The following SBF2 variants were observed in gnomAD, a reference collection of about 807,000 sequenced individuals.
The protein encoded by SBF2 is SET binding factor 2, also known as myotubularin-related protein 13.
A neutral mutation model predicts 225.2 loss-of-function variants in SBF2; 112 were observed. That is an observed-to-expected ratio of 0.50 (90% CI 0.43 to 0.58). The LOEUF (loss-of-function observed/expected upper bound fraction) is 0.58. Among genes scored for constraint, SBF2 ranks in the 20% least tolerant of loss-of-function variants. The pLI is 0.00. For synonymous variants in SBF2, 763 were observed against 773.3 expected (o/e 0.99, Z 0.22); for missense variants, 1,996 against 2,206.2 (o/e 0.90, Z 1.91).
intron 24 of SBF2, among the ~76,000 whole-genome samples, chr11:9,844,550 AG>A (rs1424425071): frequency 6.6e-6 from 1 of 152,242 alleles, no homozygotes; most frequent in African/African-American, 2.4e-5. Context: ...CTAGAAAATA[AG>A]GGTTCATACT....
chr11:10,230,811 T>C (rs1248964558), intron 1 of SBF2, among the ~76,000 whole-genome samples: 1 of 152,110 alleles, frequency 6.6e-6, no homozygotes, highest in African/African-American at 2.4e-5. Context: ...TCTCAAGGAG[T>C]ATCTTTGTGG....
chr11:10,192,899 AC>A (rs1957229679), intron 2 of SBF2, among the ~76,000 whole-genome samples: 1 of 152,208 alleles, frequency 6.6e-6, no homozygotes, highest in African/African-American at 2.4e-5. Flanking sequence ...AATCTGGAGA[AC>A]CAAACTTCGT....
chr11:9,915,334 A>C (rs754603855), intron 16 of SBF2, among the ~76,000 whole-genome samples: 3 of 151,524 alleles, frequency 2.0e-5, no homozygotes, highest in Non-Finnish European at 4.4e-5. Context: ...GTAGTCCCAG[A>C]TACTTGGGAG....
intron 2 of SBF2, among the ~76,000 whole-genome samples, chr11:10,064,657 A>G (rs1249042248): frequency 6.6e-6 from 1 of 152,218 alleles, no homozygotes; most frequent in Non-Finnish European, 1.5e-5. Context: ...ATCAACGTAG[A>G]TTTCAGAAAT....
intron 16 of SBF2, chr11:9,958,707 G>A (rs1424871095): frequency 1.3e-5 from 5 of 374,324 alleles, no homozygotes; most frequent in African/African-American, 8.4e-5. Flanking sequence ...TGAAGTACTA[G>A]GAGGGGCTTG....
At chr11:10,111,889 A>G (rs1000140336) in intron 2 of SBF2, among the ~76,000 whole-genome samples, 4 of 152,348 alleles carry the variant, frequency 2.6e-5, no homozygotes, top group Admixed American at 2.6e-4. Context: ...AAAAACCAAA[A>G]AAAATTAACT....
At chr11:10,230,632 G>A (rs1364922198) in intron 1 of SBF2, among the ~76,000 whole-genome samples, 7 of 152,304 alleles carry the variant, frequency 4.6e-5, no homozygotes, top group Non-Finnish European at 8.8e-5. Flanking sequence ...AATGTTGAAT[G>A]TTGGCCCTCA....
intron 2 of SBF2, among the ~76,000 whole-genome samples, chr11:10,108,987 G>A (rs1420647453): frequency 6.6e-6 from 1 of 152,140 alleles, no homozygotes; most frequent in African/African-American, 2.4e-5. Context: ...GGAAAAGTTA[G>A]AAGAAAGAAT....
intron 2 of SBF2, among the ~76,000 whole-genome samples, chr11:10,089,318 C>T (rs1951691164): frequency 6.6e-6 from 1 of 152,124 alleles, no homozygotes; most frequent in Admixed American, 6.6e-5. Context: ...ATATGCAGCC[C>T]GTCATTGACT....
intron 3 of SBF2, among the ~76,000 whole-genome samples, chr11:10,041,871 C>T (rs1949669242): frequency 6.7e-6 from 1 of 150,366 alleles, no homozygotes; most frequent in Non-Finnish European, 1.5e-5. Context: ...TCGAAGTCCC[C>T]TTTATGGTTT....
intron 2 of SBF2, among the ~76,000 whole-genome samples, chr11:10,064,078 T>C (rs762866333): frequency 3.9e-5 from 6 of 152,178 alleles, no homozygotes; most frequent in Non-Finnish European, 8.8e-5. Flanking sequence ...TAAGATTTTT[T>C]TTATTATTTA....
At chr11:10,285,959 G>C (rs1963738008) in intron 1 of SBF2, among the ~76,000 whole-genome samples, 4 of 152,144 alleles carry the variant, frequency 2.6e-5, no homozygotes, top group Admixed American at 2.6e-4. Context: ...TTAGTCACCA[G>C]GAAAACGCAA....
chr11:10,090,910 G>A (rs547034882), intron 2 of SBF2, among the ~76,000 whole-genome samples: 1 of 152,140 alleles, frequency 6.6e-6, no homozygotes, highest in South Asian at 2.1e-4. Context: ...TCCAGCTCCA[G>A]GGGCTATGAA....
chr11:9,925,561 C>T (rs1590474512), intron 16 of SBF2, among the ~76,000 whole-genome samples: 2 of 152,356 alleles, frequency 1.3e-5, no homozygotes, highest in African/African-American at 4.8e-5. Context: ...TAGGCGTGAG[C>T]CACCGTGCCC....
At chr11:10,141,938 A>G (rs1462266859) in intron 2 of SBF2, among the ~76,000 whole-genome samples, 1 of 152,166 alleles carries the variant, frequency 6.6e-6, no homozygotes, top group African/African-American at 2.4e-5. Flanking sequence ...GTAAGAACAG[A>G]AGTAAAAGCT....
intron 30 of SBF2, 44 bp from the exon 31 acceptor site, chr11:9,809,046 G>T: frequency 6.8e-7 from 1 of 1,473,260 alleles, no homozygotes; most frequent in Non-Finnish European, 9.5e-7. Context: ...AGCGCTTTCT[G>T]AGTGCAGAAG....
At chr11:9,888,394 C>A (rs145691921) in intron 17 of SBF2, among the ~76,000 whole-genome samples, 1,920 of 151,750 alleles carry the variant, frequency 0.013, 41 homozygotes, top group African/African-American at 0.044. Flanking sequence ...AGTCCTGCTA[C>A]TGAGGAGGCT....
At chr11:10,216,409 G>A (rs769117367) in intron 1 of SBF2, among the ~76,000 whole-genome samples, 1 of 152,198 alleles carries the variant, frequency 6.6e-6, no homozygotes. Context: ...GATAGCGATA[G>A]CTTCTCAGCT....
At chr11:9,796,183 C>A (rs1011340620) in intron 32 of SBF2, among the ~76,000 whole-genome samples, 3 of 151,720 alleles carry the variant, frequency 2.0e-5, no homozygotes, top group Non-Finnish European at 4.4e-5. Flanking sequence ...TAAACATAAT[C>A]TCATTTAATC....
Sources: allele counts gnomAD v4.1 joint callset (sites outside exome capture counted in the v4.1 genomes callset), GRCh38; gene constraint gnomAD v4.1.1; transcripts MANE v1.5; gene names NCBI Gene and HGNC (gene_info 2026-07-23, HGNC 2026-07-21).